CCDC88C: variants seen among roughly 807,000 people sequenced by gnomAD.
The protein encoded by CCDC88C is coiled-coil and HOOK domain protein 88C.
A neutral mutation model predicts 198.8 loss-of-function variants in CCDC88C; 131 were observed. The observed-to-expected ratio is 0.66, with a 90% CI of 0.57 to 0.76. The LOEUF (loss-of-function observed/expected upper bound fraction) is 0.76. Among genes scored for constraint, CCDC88C ranks in the 30% least tolerant of loss-of-function variants. The probability of loss-of-function intolerance (pLI) is 0.00; values close to 1 mark genes in which losing one functional copy is unlikely to be tolerated. For missense variants in CCDC88C, 2,553 were observed against 2,631.6 expected (o/e 0.97, Z 0.65); for synonymous variants, 1,166 against 1,114.7 (o/e 1.05, Z -0.92).
At position 91,289,180 on chromosome 14, in the gene CCDC88C, C is replaced by G; in HGVS notation, c.4366G>C (p.Glu1456Gln). 1 of 1,613,886 alleles carries G rather than the reference C, an allele frequency of 6.2e-7. No homozygotes were observed. Among genetic ancestry groups the G allele is most frequent in the Non-Finnish European group, 8.5e-7 (1 of 1,179,884 alleles). ...AASQPLRSQA[E>Q]NPDTPALGSN... The stretch of plus-strand genomic sequence containing the variant: ...CCCAGTGCGGGGGTGTCGGGGTTCT[C>G]GGCCTGTGATCTGAGCGGCTGAGAG... The change falls in exon 25 of 30, where the codon GAG (glutamate) becomes CAG (glutamine). Residue 1456 changes from glutamate (E) to glutamine (Q), a missense_variant. Physicochemically the swap from Glu to Gln is conservative, Grantham distance 29 (BLOSUM62 2). Transcript: ENST00000389857.
At chr14:91,402,912 C>T (rs543825504) in intron 3 of CCDC88C, among the ~76,000 whole-genome samples, 13 of 152,318 alleles carry the variant, frequency 8.5e-5, no homozygotes, top group East Asian at 7.7e-4. Context: ...AGATAAGGAA[C>T]CTTCTGGCCT....
chr14:91,275,148 AAT>A (rs1889900617), intron 29 of CCDC88C, among the ~76,000 whole-genome samples: 2 of 152,256 alleles, frequency 1.3e-5, no homozygotes, highest in Non-Finnish European at 2.9e-5. Context: ...TAGGGGGTTA[AAT>A]ATACCAGGCA....
chr14:91,417,713 C>A lies in CCDC88C; in HGVS notation c.-23G>T, dbSNP rs1273314547. 6.7e-7 allele frequency: 1 copy of A among 1,492,036 alleles called. No individual in the cohort carries two copies. Among genetic ancestry groups the A allele is most frequent in the Non-Finnish European group, 8.9e-7 (1 of 1,123,002 alleles). The allele number at this position is 1,492,036 out of a possible 1,614,324, so 92.4% of individuals were successfully genotyped here. ...CATGCTGAGGCTGCGCCCGCCGGCT[C>A]CGCGCCCCCCGCCCCGCGTCCCCGT... On this transcript the variant is annotated 5_prime_UTR_variant, in exon 1 of 30. Coordinates refer to ENST00000389857, the MANE Select transcript of CCDC88C (RefSeq NM_001080414.4).
rs747674915 is a variant in CCDC88C, at chr14:91,294,226, C to G, written c.4059G>C (p.Leu1353=). 2 of 1,614,008 alleles carry G rather than the reference C, an allele frequency of 1.2e-6. No individual in the cohort carries two copies. The highest frequency in any genetic ancestry group is 1.7e-6 in the Non-Finnish European group (2 of 1,179,890). The change falls in exon 23 of 30, where the codon CTG becomes CTC. Residue 1353 remains leucine, a synonymous_variant. Transcript: ENST00000389857. ...QLLSQQNQML[L]EQNMENKEQY... is the part of the protein sequence containing the mutation. ...GCTCCTTGTTCTCCATGTTCTGCTC[C>G]AGAAGCATCTGGTTCTGCTGGCTCA...
rs561651195 is a variant in CCDC88C at position 91,390,788 on chromosome 14, A to G, written c.270+17871T>C. 3.9e-5 allele frequency among the ~76,000 whole-genome samples: 6 copies of G among 152,292 alleles called. No homozygotes were observed. The South Asian group carries it at 1.2e-3, about 32-fold the overall frequency. ...TTCCAAAGCCCAGAGAATGGGGTGG[A>G]AGCACCCCACTTCCTTTACCTGGTC... On this transcript the variant is annotated intron_variant, in intron 3 of 29. Coordinates refer to ENST00000389857, the MANE Select transcript of CCDC88C (RefSeq NM_001080414.4).
chr14:91,308,937 C>T (rs1210280081), intron 16 of CCDC88C, among the ~76,000 whole-genome samples: 4 of 152,194 alleles, frequency 2.6e-5, no homozygotes, highest in African/African-American at 9.7e-5. Flanking sequence ...TCCCAAAAAA[C>T]AAGATCAGGC....
At chr14:91,297,559 C>T in intron 21 of CCDC88C, 68 bp from the exon 22 acceptor site, 1 of 1,485,762 alleles carries the variant, frequency 6.7e-7, no homozygotes, top group Non-Finnish European at 9.1e-7. Flanking sequence ...GCCCAGAGAC[C>T]TGGGCTATGT....
In CCDC88C at chr14:91,296,269, T is replaced by C. The variant is rs80334912; in HGVS notation, c.3966+1036A>G. Among the ~76,000 whole-genome samples the C allele has an allele frequency of 4.1e-3, 628 of 152,352 alleles. 5 individuals carry two copies. Among genetic ancestry groups the C allele is most frequent in the African/African-American group, 0.011 (463 of 41,580 alleles). On this transcript the variant is annotated intron_variant, in intron 22 of 29. Coordinates refer to ENST00000389857, the MANE Select transcript of CCDC88C (RefSeq NM_001080414.4). The stretch of plus-strand genomic sequence containing the variant: ...TGACCTGTGTTCCACCCTGAGTGAA[T>C]CATCAGCATCTTCCAAAAAGTACCC...
intron 4 of CCDC88C, among the ~76,000 whole-genome samples, chr14:91,353,875 C>T (rs901705766): frequency 1.3e-5 from 2 of 152,238 alleles, no homozygotes; most frequent in Admixed American, 1.3e-4. Context: ...TGTGCATATG[C>T]AGTCGCAGCC....
intron 3 of CCDC88C, among the ~76,000 whole-genome samples, chr14:91,385,186 T>C (rs1391608059): frequency 2.0e-5 from 3 of 152,118 alleles, no homozygotes; most frequent in Non-Finnish European, 4.4e-5. Flanking sequence ...ACGTGGAAAG[T>C]GTCACCCACC....
intron 23 of CCDC88C, among the ~76,000 whole-genome samples, chr14:91,293,506 C>T (rs1317580696): frequency 8.2e-6 from 1 of 121,480 alleles, no homozygotes; most frequent in Non-Finnish European, 1.8e-5. Flanking sequence ...TCACCTGCCA[C>T]GGCCTACCTT....
At chr14:91,335,102 C>T (rs760750567) in intron 10 of CCDC88C, among the ~76,000 whole-genome samples, 1 of 152,160 alleles carries the variant, frequency 6.6e-6, no homozygotes, top group Non-Finnish European at 1.5e-5. Context: ...CTCCCAGGGG[C>T]CAGAACTGCT....
intron 4 of CCDC88C, among the ~76,000 whole-genome samples, chr14:91,348,872 T>C (rs1030094268): frequency 1.3e-5 from 2 of 152,184 alleles, no homozygotes; most frequent in African/African-American, 2.4e-5. Flanking sequence ...ATAGAAACAT[T>C]TGCTTATTAA....
Position 91,289,359 on chromosome 14 carries a change from T to A in CCDC88C, c.4203-16A>T, listed in dbSNP as rs1331646362. 2 of 1,609,902 alleles carry A rather than the reference T, an allele frequency of 1.2e-6. No homozygotes were observed. The highest frequency in any genetic ancestry group is 2.7e-5 in the African/African-American group (2 of 74,864). On this transcript the variant is annotated splice_polypyrimidine_tract_variant and intron_variant, in intron 24 of 29. Coordinates refer to ENST00000389857, the MANE Select transcript of CCDC88C (RefSeq NM_001080414.4). Reference sequence around the variant, plus strand: ...GTGGTTCTTCCTGGTTAGAAGTAGATGTTTAGGACATAGCCAGCCCTCCCA... The same window carrying A: ...GTGGTTCTTCCTGGTTAGAAGTAGAAGTTTAGGACATAGCCAGCCCTCCCA...
chr14:91,342,438 T>C lies in CCDC88C; in HGVS notation c.425A>G (p.Glu142Gly), dbSNP rs1064796828. Reference protein sequence around the residue: ...VQCERKEEFIERIKQLDIETQ... With the variant: ...VQCERKEEFIGRIKQLDIETQ... ...CTCAATGTCCAGCTGTTTGATTCTT[T>C]CAATGAACTCCTCTTTCCTCTCACA... Residue 142 changes from glutamate (E) to glycine (G), a missense_variant, in exon 6 of 30, where the codon GAA (glutamate) becomes GGA (glycine). Around this residue, in one of 2 missense-constraint regions of CCDC88C, gnomAD observed 1,260 missense variants for 1,412.0 expected, o/e 0.89. Transcript: ENST00000389857. The C allele has an allele frequency of 6.3e-6, 10 of 1,595,954 alleles. No individual in the cohort carries two copies. The highest frequency in any genetic ancestry group is 8.5e-6 in the Non-Finnish European group (10 of 1,171,014).
intron 4 of CCDC88C, among the ~76,000 whole-genome samples, chr14:91,348,738 T>G (rs1005761163): frequency 8.5e-5 from 13 of 152,178 alleles, no homozygotes; most frequent in Non-Finnish European, 1.5e-4. Context: ...AGGTAGAGAA[T>G]TAAGTTTAGA....
chr14:91,384,217 G>A (rs1318006882), intron 3 of CCDC88C, among the ~76,000 whole-genome samples: 3 of 151,628 alleles, frequency 2.0e-5, no homozygotes, highest in Middle Eastern at 3.4e-3. Flanking sequence ...TGGGAGGATC[G>A]TTTGAGTCTA....
intron 17 of CCDC88C, among the ~76,000 whole-genome samples, chr14:91,307,820 A>G (rs1891625594): frequency 6.6e-6 from 1 of 152,230 alleles, no homozygotes; most frequent in Admixed American, 6.5e-5. Context: ...CATGTATAAT[A>G]CATGTGTGTA....
In CCDC88C at chr14:91,297,427, G is replaced by A; in HGVS notation, c.3844C>T (p.Leu1282=). 1 of 1,605,622 alleles carries A rather than the reference G, an allele frequency of 6.2e-7. No individual in the cohort carries two copies. The highest frequency in any genetic ancestry group is 8.5e-7 in the Non-Finnish European group (1 of 1,176,070). ...YEELHAHTKE[L]KTSLNNAQLE... ...TGCGCGTTGTTCAGTGAGGTTTTCA[G>A]CTCCTTGGTGTGGGCGTGCAGCTCC... The change falls in exon 22 of 30, where the codon CTG becomes TTG. Residue 1282 remains leucine, a synonymous_variant. Coordinates refer to ENST00000389857, the MANE Select transcript of CCDC88C (RefSeq NM_001080414.4).
Sources: gnomAD v4.1 joint callset for allele counts (sites outside exome capture counted in the v4.1 genomes callset) on GRCh38, gnomAD v4.1.1 for gene constraint, gnomAD v4.1.1 regional missense constraint, MANE v1.5 for transcripts, NCBI Gene and HGNC (gene_info 2026-07-23, HGNC 2026-07-21) for gene names.